Variants in NOL4 observed in about 807,000 individuals in gnomAD.
NOL4 encodes nucleolar protein 4, also known as cancer/testis antigen 125.
A neutral mutation model predicts 75.9 loss-of-function variants in NOL4; 17 were observed. That is an observed-to-expected ratio of 0.22 (90% confidence interval 0.15 to 0.34). The LOEUF (loss-of-function observed/expected upper bound fraction) is 0.34, where lower values mean the gene tolerates loss of function less well. NOL4 is among the 10% of genes least tolerant of loss of function. NOL4 has a pLI of 1.00. For synonymous variants in NOL4, 292 were observed against 289.9 expected, an observed-to-expected ratio of 1.01 and a Z score of -0.07; for missense variants, 614 against 793.5, an observed-to-expected ratio of 0.77 and a Z score of 2.72.
chr18:34,072,642 A>T (rs975196832), intron 5 of NOL4, among the ~76,000 whole-genome samples: 6 of 152,170 alleles, frequency 3.9e-5, no homozygotes, highest in Non-Finnish European at 7.4e-5. Context: ...ACTGTGTAAT[A>T]CCTCTTATTT....
At chr18:34,081,090 A>G (rs942041475) in intron 5 of NOL4, among the ~76,000 whole-genome samples, 2 of 152,226 alleles carry the variant, frequency 1.3e-5, no homozygotes, top group Non-Finnish European at 2.9e-5. Context: ...CAGATTCACA[A>G]TTGTTAGACA....
chr18:34,016,143 T>C (rs2074679269), intron 6 of NOL4, among the ~76,000 whole-genome samples: 1 of 152,126 alleles, frequency 6.6e-6, no homozygotes, highest in South Asian at 2.1e-4. Context: ...GGAGGTTAGA[T>C]AGGTAGTCCT....
Position 34,104,056 on chromosome 18 carries a change from C to T in NOL4, c.630G>A (p.Gln210=), listed in dbSNP as rs769922527. 1 of 1,607,586 alleles carries T rather than the reference C, an allele frequency of 6.2e-7. No homozygotes were observed. The highest frequency in any genetic ancestry group is 8.5e-7 in the Non-Finnish European group (1 of 1,174,606). ...KHMKLQLLNS[Q]QDEDESSIES... is the part of the protein sequence containing the mutation. ...GATGTTTTTATTTTACCTCATCTTG[C>T]TGTGAGTTTAGCAGCTGCAGCTTCA... The change falls in exon 4 of 11, where the codon CAG becomes CAA. Residue 210 remains glutamine (Q), a synonymous_variant. Coordinates refer to ENST00000261592, the MANE Select transcript of NOL4 (RefSeq NM_003787.5).
rs549393564 is a variant in NOL4, at chr18:34,048,388, T to C, written c.773-28787A>G. The C allele has an allele frequency of 3.4e-5, 32 of 945,272 alleles. No individual in the cohort carries two copies. In the African/African-American group the frequency reaches 4.6e-4, roughly 14 times the overall value. 58.6% of individuals were successfully genotyped at this position (945,272 alleles called of 1,614,324 possible). ...TTCATGGGACAGTCTTCAACAAGAC[T>C]TAGACAAACCTCATTCATCAATATT... On this transcript the variant is annotated intron_variant, in intron 5 of 10. Coordinates refer to ENST00000261592, the MANE Select transcript of NOL4 (RefSeq NM_003787.5).
At chr18:34,048,196 T>C (rs2076467374) in intron 5 of NOL4, among the ~76,000 whole-genome samples, 1 of 152,156 alleles carries the variant, frequency 6.6e-6, no homozygotes. Flanking sequence ...GCATATAATA[T>C]ATTCTTTTTG....
At chr18:33,986,556 C>T (rs2146049838) in intron 6 of NOL4, among the ~76,000 whole-genome samples, 1 of 152,162 alleles carries the variant, frequency 6.6e-6, no homozygotes, top group African/African-American at 2.4e-5. Flanking sequence ...TTGTTTATTT[C>T]TGAAATTTTG....
intron 10 of NOL4, among the ~76,000 whole-genome samples, chr18:33,877,111 GCA>G (rs2063972512): frequency 6.6e-6 from 1 of 151,872 alleles, no homozygotes; most frequent in Non-Finnish European, 1.5e-5. Flanking sequence ...TTAATTTTCT[GCA>G]TGCCATACTG....
Position 34,105,110 on chromosome 18 carries a change from T to G in NOL4, c.465A>C (p.Leu155=). The G allele has an allele frequency of 6.2e-7, 1 of 1,612,476 alleles. No individual in the cohort carries two copies. Among genetic ancestry groups the G allele is most frequent in the Non-Finnish European group, 8.5e-7 (1 of 1,178,756 alleles). Residue 155 remains leucine, a synonymous_variant, in exon 3 of 11, where the codon CTA becomes CTC. Transcript: ENST00000261592. ...TTTTCTGGCACTCTGAGCAGCTCAT[T>G]AGAAATCGTGTCACCGCTTCTCTTG... ...FLPREAVTRF[L]MSCSECQKRM...
chr18:34,205,366 C>T (rs540426502), intron 1 of NOL4, among the ~76,000 whole-genome samples: 5 of 152,028 alleles, frequency 3.3e-5, no homozygotes, highest in South Asian at 2.1e-4. Context: ...CTACGCCTCC[C>T]CAGTGTGTAA....
chr18:33,891,955 A>G (rs1276195863), intron 9 of NOL4, among the ~76,000 whole-genome samples: 1 of 152,188 alleles, frequency 6.6e-6, no homozygotes, highest in African/African-American at 2.4e-5. Context: ...GAGAAATACA[A>G]TAAATGAAAC....
At chr18:33,973,725 G>A (rs190395413) in intron 6 of NOL4, among the ~76,000 whole-genome samples, 9 of 152,142 alleles carry the variant, frequency 5.9e-5, no homozygotes, top group South Asian at 2.1e-4. Context: ...CGCACTGTGC[G>A]GGAGCAGTAA....
chr18:33,945,209 G>C (rs2068757092), intron 8 of NOL4, among the ~76,000 whole-genome samples: 1 of 151,692 alleles, frequency 6.6e-6, no homozygotes, highest in South Asian at 2.1e-4. Flanking sequence ...ATTATTGAGA[G>C]CCACATGGGA....
intron 5 of NOL4, among the ~76,000 whole-genome samples, chr18:34,077,187 G>A (rs2077784139): frequency 6.6e-6 from 1 of 151,874 alleles, no homozygotes; most frequent in African/African-American, 2.4e-5. Flanking sequence ...ACACCCCTGT[G>A]GGCCCAGCTA....
chr18:33,927,892 C>A (rs145382220), intron 9 of NOL4, among the ~76,000 whole-genome samples: 2 of 151,998 alleles, frequency 1.3e-5, no homozygotes, highest in African/African-American at 4.8e-5. Flanking sequence ...ACATGACACA[C>A]CGCTTCCTTT....
chr18:34,023,141 C>T lies in NOL4; in HGVS notation c.773-3540G>A, dbSNP rs144989504. Among the ~76,000 whole-genome samples the T allele has an allele frequency of 2.0e-4, 31 of 152,168 alleles. No individual in the cohort carries two copies. The East Asian group carries it at 5.6e-3, about 27-fold the overall frequency. ...CAAATATACATACTCACATATTTTG[C>T]AATTTAAATGGTAAAAAACAATAAT... On this transcript the variant is annotated intron_variant, in intron 5 of 10. Coordinates refer to ENST00000261592, the MANE Select transcript of NOL4 (RefSeq NM_003787.5).
chr18:34,052,414 G>C (rs1425012671), intron 5 of NOL4, among the ~76,000 whole-genome samples: 1 of 151,880 alleles, frequency 6.6e-6, no homozygotes, highest in Admixed American at 6.6e-5. Context: ...ATTCCAGATG[G>C]CTTAAACATT....
chr18:34,181,996 G>A (rs2034079562), intron 1 of NOL4, among the ~76,000 whole-genome samples: 1 of 151,470 alleles, frequency 6.6e-6, no homozygotes, highest in Admixed American at 6.6e-5. Flanking sequence ...AAAAGAGTCT[G>A]GCAGTTCTCC....
At chr18:34,049,961 T>C (rs1461845393) in intron 5 of NOL4, among the ~76,000 whole-genome samples, 1 of 152,136 alleles carries the variant, frequency 6.6e-6, no homozygotes, top group Non-Finnish European at 1.5e-5. Context: ...TGATGTTAAC[T>C]AGAATCTCAT....
At chr18:33,957,584 G>A in intron 7 of NOL4, 67 bp from the exon 8 acceptor site, 2 of 1,233,788 alleles carry the variant, frequency 1.6e-6, no homozygotes, top group Non-Finnish European at 2.3e-6. Flanking sequence ...CTAGCTTCCT[G>A]TCTTGATTAC....
Sources: allele counts gnomAD v4.1 joint callset (sites outside exome capture counted in the v4.1 genomes callset), GRCh38; gene constraint gnomAD v4.1.1; transcripts MANE v1.5; gene names NCBI Gene and HGNC (gene_info 2026-07-23, HGNC 2026-07-21).